Variants in LHX1 observed in about 807,000 individuals in gnomAD.
The protein encoded by LHX1 is LIM/homeobox protein Lhx1.
LHX1 carries 9 observed loss-of-function variants against 34.1 expected under a neutral mutation model. That is an observed-to-expected ratio of 0.26 (90% confidence interval 0.16 to 0.46). The LOEUF is 0.46. Ranked by LOEUF, LHX1 falls within the 20% of genes least tolerant of loss-of-function variation. The probability of loss-of-function intolerance (pLI) is 1.00; values close to 1 mark genes in which losing one functional copy is unlikely to be tolerated. For synonymous variants in LHX1, 254 were observed against 241.5 expected (o/e 1.05, Z -0.48); for missense variants, 446 against 559.1 (o/e 0.80, Z 2.04).
Position 36,940,052 on chromosome 17 carries a change from T to A in LHX1, c.171-238T>A, listed in dbSNP as rs2070754064. ...CCTGGCTCTAACCGCGTGTATCCCC[T>A]CCCTAACTCTTCCCTGGTGCCGCGC... is the stretch of plus-strand genomic sequence containing the variant. On this transcript the variant is annotated intron_variant, in intron 1 of 4. Coordinates refer to ENST00000614239, the MANE Select transcript of LHX1 (RefSeq NM_005568.5). The A allele has an allele frequency of 6.7e-6, 4 of 599,466 alleles. No homozygotes were observed. In the Admixed American group the frequency reaches 1.2e-4, roughly 18 times the overall value. The allele number at this position is 599,466 out of a possible 1,614,324, so 37.1% of individuals were successfully genotyped here.
chr17:36,939,271 A>G (rs1174768210), intron 1 of LHX1, among the ~76,000 whole-genome samples: 1 of 152,252 alleles, frequency 6.6e-6, no homozygotes, highest in African/African-American at 2.4e-5. Context: ...AAGAACGGGC[A>G]CAAATGCGAA....
Position 36,937,758 on chromosome 17 carries a change from G to C in LHX1, c.-440G>C, listed in dbSNP as rs1360247427. ...TGACAGCTCTACCTCAAGCCCCGGA[G>C]AACTCAGCGGCGCTTTCCTCGCAAC... On this transcript the variant is annotated 5_prime_UTR_variant, in exon 1 of 5. Coordinates refer to ENST00000614239, the MANE Select transcript of LHX1 (RefSeq NM_005568.5). The C allele has an allele frequency of 2.1e-6, 1 of 468,406 alleles. No homozygotes were observed. Among genetic ancestry groups the C allele is most frequent in the Admixed American group, 2.3e-5 (1 of 42,734 alleles). The allele number at this position is 468,406 out of a possible 1,614,324, so 29.0% of individuals were successfully genotyped here.
At chr17:36,938,561 T>A in intron 1 of LHX1, 194 bp downstream of exon 1, 1 of 676,288 alleles carries the variant, frequency 1.5e-6, no homozygotes, top group Non-Finnish European at 2.7e-6. Context: ...GCTTGCATCC[T>A]GGAAACTATG....
At chr17:36,938,806 T>C (rs2070746325) in intron 1 of LHX1, 1 of 334,252 alleles carries the variant, frequency 3.0e-6, no homozygotes, top group Admixed American at 4.2e-5. Context: ...CCGAGCGGTC[T>C]TGGCGGTAAG....
intron 3 of LHX1, 78 bp from the exon 4 acceptor site, chr17:36,942,122 G>C: frequency 6.9e-7 from 1 of 1,451,994 alleles, no homozygotes. Flanking sequence ...GGCGGTGAAG[G>C]GGTGCTGGCT....
chr17:36,941,391 C>T, intron 3 of LHX1: 1 of 341,794 alleles, frequency 2.9e-6, no homozygotes, highest in Non-Finnish European at 5.8e-6. Flanking sequence ...CGCCGGGAGT[C>T]AGCTCTGCTT....
Position 36,940,354 on chromosome 17 carries a change from G to C in LHX1, c.235G>C (p.Ala79Pro). ...CTCCCCTAGCGACCTGGTGCGGAGAGCGCGGAGCAAAGTGTTTCACCTGAA... is the reference window on the plus strand; with the variant it reads ...CTCCCCTAGCGACCTGGTGCGGAGACCGCGGAGCAAAGTGTTTCACCTGAA... ...GISPSDLVRR[A>P]RSKVFHLNCF... The change falls in exon 2 of 5, where the codon GCG (alanine) becomes CCG (proline). Residue 79 changes from alanine to proline, a missense_variant. Around this residue, in one of 3 missense-constraint regions of LHX1, gnomAD observed 168 missense variants for 226.6 expected, o/e 0.74. Transcript: ENST00000614239. 6.2e-7 allele frequency: 1 copy of C among 1,611,216 alleles called. No individual in the cohort carries two copies. The highest frequency in any genetic ancestry group is 1.3e-5 in the African/African-American group (1 of 74,830).
chr17:36,939,981 G>T, intron 1 of LHX1: 1 of 555,864 alleles, frequency 1.8e-6, no homozygotes, highest in Non-Finnish European at 3.2e-6. Flanking sequence ...CTTTCCTCTG[G>T]GATAACGCTG....
rs1209147360 is a variant in LHX1, at chr17:36,943,703, T to C, written c.*572T>C. On this transcript the variant is annotated 3_prime_UTR_variant, in exon 5 of 5. Transcript: ENST00000614239. Reference sequence around the variant, plus strand: ...CTGCCGTGCATCAGGTGGGACTATATATATATTTTTTGTCTATCTGGATTT... The same window carrying C: ...CTGCCGTGCATCAGGTGGGACTATACATATATTTTTTGTCTATCTGGATTT... The C allele has an allele frequency of 6.6e-6, 1 of 152,212 alleles. No individual in the cohort carries two copies. Among genetic ancestry groups the C allele is most frequent in the East Asian group, 1.9e-4 (1 of 5,192 alleles). 9.4% of individuals were successfully genotyped at this position (152,212 alleles called of 1,614,324 possible). A position where few individuals can be genotyped will look rare whatever the true frequency, so the allele number is the denominator to read the frequency against.
intron 3 of LHX1, 87 bp from the exon 4 acceptor site, chr17:36,942,113 G>A (rs1234261520): frequency 7.2e-7 from 1 of 1,394,466 alleles, no homozygotes; most frequent in South Asian, 1.2e-5. Flanking sequence ...GGCTAGCCAG[G>A]CGGTGAAGGG....
intron 3 of LHX1, chr17:36,941,172 A>T (rs2070763028): frequency 1.4e-6 from 1 of 690,046 alleles, no homozygotes. Context: ...CACTCTGGAG[A>T]GAGTGGGGAG....
In LHX1 at chr17:36,938,014, CG is replaced by C. The variant is rs896137662; in HGVS notation, c.-183del. 2.7e-5 allele frequency: 17 copies of C among 637,534 alleles called. No homozygotes were observed. Among genetic ancestry groups the C allele is most frequent in the African/African-American group, 2.4e-4 (13 of 54,808 alleles). 39.5% of individuals were successfully genotyped at this position (637,534 alleles called of 1,614,324 possible). On this transcript the variant is annotated 5_prime_UTR_variant, in exon 1 of 5. Coordinates refer to ENST00000614239, the MANE Select transcript of LHX1 (RefSeq NM_005568.5). ...TTCACTGAGACGCCCCCCCAGGCCC[CG>C]ATCAGCCTCGTTTCCTCCACCCTAC...
In LHX1 at chr17:36,937,985, A is replaced by G; in HGVS notation, c.-213A>G. On this transcript the variant is annotated 5_prime_UTR_variant, in exon 1 of 5. Coordinates refer to ENST00000614239, the MANE Select transcript of LHX1 (RefSeq NM_005568.5). ...CGGGGCCCCGGGACTCCCCGGCTGC[A>G]CACTTCACTGAGACGCCCCCCCAGG... is the stretch of plus-strand genomic sequence containing the variant. The G allele has an allele frequency of 1.6e-6, 1 of 610,442 alleles. No individual in the cohort carries two copies. Among genetic ancestry groups the G allele is most frequent in the Non-Finnish European group, 2.9e-6 (1 of 343,084 alleles). 37.8% of individuals were successfully genotyped at this position (610,442 alleles called of 1,614,324 possible). A position where few individuals can be genotyped will look rare whatever the true frequency, so the allele number is the denominator to read the frequency against.
rs1231792591 is a variant in LHX1 at position 36,938,177 on chromosome 17, C to T, written c.-21C>T. 6.2e-7 allele frequency: 1 copy of T among 1,612,760 alleles called. No homozygotes were observed. The highest frequency in any genetic ancestry group is 8.5e-7 in the Non-Finnish European group (1 of 1,179,962). ...TTTGCCCCTCTCTCTCTCTGGGCCT[C>T]ATCAGACCAAACCAAAGACCATGGT... is the stretch of plus-strand genomic sequence containing the variant. On this transcript the variant is annotated 5_prime_UTR_variant, in exon 1 of 5. Transcript: ENST00000614239.
chr17:36,940,123 C>T, intron 1 of LHX1, 167 bp from the exon 2 acceptor site: 1 of 624,550 alleles, frequency 1.6e-6, no homozygotes, highest in Non-Finnish European at 2.9e-6. Flanking sequence ...AATTCTGCCT[C>T]TCTTTATCTC....
rs1308045799 is a variant in LHX1 at position 36,942,864 on chromosome 17, G to C, written c.954G>C (p.Gly318=). The change falls in exon 5 of 5, where the codon GGG becomes GGC. Residue 318 remains glycine, a synonymous_variant. Coordinates refer to ENST00000614239, the MANE Select transcript of LHX1 (RefSeq NM_005568.5). ...PVDLPFVPSS[G]PSGTPLGGLE... is the part of the protein sequence containing the mutation. ...ACCTACCCTTCGTGCCGTCATCTGG[G>C]CCGTCCGGGACGCCCCTGGGTGGCC... is the stretch of plus-strand genomic sequence containing the variant. 1 of 1,592,640 alleles carries C rather than the reference G, an allele frequency of 6.3e-7. No individual in the cohort carries two copies. Among genetic ancestry groups the C allele is most frequent in the African/African-American group, 1.3e-5 (1 of 74,532 alleles).
intron 3 of LHX1, chr17:36,941,467 A>G (rs576380791): frequency 1.3e-4 from 40 of 316,188 alleles, no homozygotes; most frequent in African/African-American, 8.7e-4. Flanking sequence ...TGTGGGCGGA[A>G]AGGAGGTGAG....
At chr17:36,942,589 G>T (rs1288589663) in intron 4 of LHX1, among the ~76,000 whole-genome samples, 163 bp from the exon 5 acceptor site, 3 of 152,194 alleles carry the variant, frequency 2.0e-5, no homozygotes, top group African/African-American at 7.2e-5. Context: ...CCGGGCTTGC[G>T]CCCAGCCTCC....
At chr17:36,942,171 T>C in intron 3 of LHX1, 29 bp from the exon 4 acceptor site, 1 of 1,555,268 alleles carries the variant, frequency 6.4e-7, no homozygotes, top group Non-Finnish European at 8.6e-7. Flanking sequence ...GGAGTCTCGG[T>C]GGCCTCACCC....
Sources: allele counts gnomAD v4.1 joint callset (sites outside exome capture counted in the v4.1 genomes callset), GRCh38; gene constraint gnomAD v4.1.1; regional missense constraint gnomAD v4.1.1; transcripts MANE v1.5; gene names NCBI Gene and HGNC (gene_info 2026-07-23, HGNC 2026-07-21).